Variants in CNMD observed in about 807,000 individuals in gnomAD.
The protein encoded by CNMD is chondromodulin, also known as leukocyte cell-derived chemotaxin 1.
CNMD carries 30 observed loss-of-function variants against 37.5 expected under a neutral mutation model. That is an observed-to-expected ratio of 0.80 (90% CI 0.60 to 1.09). The LOEUF is 1.09. Among genes scored for constraint, CNMD ranks in the 50% least tolerant of loss-of-function variants. CNMD has a pLI of 0.00. For synonymous variants in CNMD, 167 were observed against 148.2 expected (o/e 1.13, Z -0.92); for missense variants, 398 against 423.9 (o/e 0.94, Z 0.54).
Position 52,703,539 on chromosome 13 carries a change from TTTGG to T in CNMD, c.*52_*55del. Reference sequence around the variant, plus strand: ...CAGCATCAACCTGCCTTAATGCTTCTTTGGTTGTCTCTTCAGCTAGTTCTTATTT... The same window carrying T: ...CAGCATCAACCTGCCTTAATGCTTCTTTGTCTCTTCAGCTAGTTCTTATTT... On this transcript the variant is annotated 3_prime_UTR_variant, in exon 7 of 7. Transcript: ENST00000377962. The T allele has an allele frequency of 3.9e-6, 5 of 1,282,796 alleles. No individual in the cohort carries two copies. Among genetic ancestry groups the T allele is most frequent in the Non-Finnish European group, 5.6e-6 (5 of 888,368 alleles). 79.5% of individuals were successfully genotyped at this position (1,282,796 alleles called of 1,614,324 possible). A position where few individuals can be genotyped will look rare whatever the true frequency, so the allele number is the denominator to read the frequency against.
At chr13:52,727,234 A>G (rs531730719) in intron 3 of CNMD, among the ~76,000 whole-genome samples, 2 of 152,296 alleles carry the variant, frequency 1.3e-5, no homozygotes, top group Non-Finnish European at 2.9e-5. Context: ...GCACCACCGC[A>G]CTTCAGCCTG....
chr13:52,708,218 G>T (rs1021017278), intron 6 of CNMD, among the ~76,000 whole-genome samples: 5 of 151,174 alleles, frequency 3.3e-5, no homozygotes, highest in Admixed American at 6.6e-5. Flanking sequence ...GTCTCGCCCT[G>T]TCACCCAGGC....
At chr13:52,706,064 C>T (rs1348646309) in intron 6 of CNMD, among the ~76,000 whole-genome samples, 3 of 152,210 alleles carry the variant, frequency 2.0e-5, no homozygotes, top group East Asian at 3.9e-4. Context: ...ATTTGCAACA[C>T]CTGAAATAGT....
chr13:52,707,183 C>T (rs1009618340), intron 6 of CNMD, among the ~76,000 whole-genome samples: 2 of 152,074 alleles, frequency 1.3e-5, no homozygotes, highest in South Asian at 2.1e-4. Flanking sequence ...TGTGAGCCAC[C>T]GCGCCCAGCC....
chr13:52,738,496 T>C (rs1221446729), intron 2 of CNMD, among the ~76,000 whole-genome samples: 2 of 152,210 alleles, frequency 1.3e-5, no homozygotes, highest in African/African-American at 4.8e-5. Flanking sequence ...GTTTGTTTTT[T>C]GTTTTTGTTT....
intron 6 of CNMD, among the ~76,000 whole-genome samples, chr13:52,705,930 T>G (rs1964167009): frequency 6.6e-6 from 1 of 152,256 alleles, no homozygotes. Flanking sequence ...TTTATTCTTC[T>G]TCAAGCTAAG....
At chr13:52,724,453 T>C (rs1964538912) in intron 3 of CNMD, among the ~76,000 whole-genome samples, 1 of 140,140 alleles carries the variant, frequency 7.1e-6, no homozygotes, top group Admixed American at 7.3e-5. Context: ...TAGCCAGGCG[T>C]GGTGGCGGGC....
At chr13:52,718,413 G>A (rs1208620993) in intron 4 of CNMD, among the ~76,000 whole-genome samples, 1 of 152,076 alleles carries the variant, frequency 6.6e-6, no homozygotes, top group Non-Finnish European at 1.5e-5. Context: ...TGCTTCTCTA[G>A]TTGTTTTAAT....
intron 3 of CNMD, chr13:52,733,018 T>G (rs1964698795): frequency 1.7e-6 from 1 of 594,272 alleles, no homozygotes; most frequent in African/African-American, 1.9e-5. Context: ...AAGTGTTGTT[T>G]TTTTCTTTTG....
At chr13:52,704,077 C>T (rs532993222) in intron 6 of CNMD, among the ~76,000 whole-genome samples, 1 of 152,300 alleles carries the variant, frequency 6.6e-6, no homozygotes, top group East Asian at 1.9e-4. Flanking sequence ...TGAAGTTTCT[C>T]CATGCCTTTA....
intron 3 of CNMD, among the ~76,000 whole-genome samples, chr13:52,725,430 G>GCTT (rs139268730): frequency 2.1e-3 from 319 of 148,674 alleles, no homozygotes; most frequent in African/African-American, 6.0e-3. Context: ...GGACTTAGAT[G>GCTT]TTTTTTTTTT....
chr13:52,727,616 A>G (rs967994638), intron 3 of CNMD, among the ~76,000 whole-genome samples: 1 of 152,228 alleles, frequency 6.6e-6, no homozygotes, highest in African/African-American at 2.4e-5. Context: ...CTATTTGGCC[A>G]TAGAAAAGAA....
chr13:52,737,629 G>A (rs1964793947), intron 2 of CNMD, among the ~76,000 whole-genome samples: 1 of 152,096 alleles, frequency 6.6e-6, no homozygotes, highest in African/African-American at 2.4e-5. Context: ...CCAAAAAAAA[G>A]CATAGCTATT....
chr13:52,724,264 G>A (rs1964533405), intron 3 of CNMD, among the ~76,000 whole-genome samples, 154 bp from the exon 4 acceptor site: 1 of 151,886 alleles, frequency 6.6e-6, no homozygotes, highest in Non-Finnish European at 1.5e-5. Flanking sequence ...TTTTAGCATT[G>A]TTTACCAATA....
intron 6 of CNMD, among the ~76,000 whole-genome samples, chr13:52,707,519 T>C (rs1226501890): frequency 6.6e-6 from 1 of 152,040 alleles, no homozygotes; most frequent in Non-Finnish European, 1.5e-5. Context: ...GAGGGCACAG[T>C]CTCCTGCCTG....
At chr13:52,728,882 C>T (rs1445605561) in intron 3 of CNMD, among the ~76,000 whole-genome samples, 2 of 152,028 alleles carry the variant, frequency 1.3e-5, no homozygotes, top group Non-Finnish European at 2.9e-5. Flanking sequence ...TATTAACTAC[C>T]GTGTCTAGCA....
chr13:52,732,971 A>T, intron 3 of CNMD: 1 of 516,176 alleles, frequency 1.9e-6, no homozygotes, highest in Non-Finnish European at 3.5e-6. Context: ...TGAATTCAGT[A>T]AAGGTGGTTC....
intron 4 of CNMD, among the ~76,000 whole-genome samples, chr13:52,718,372 T>A (rs917055807): frequency 6.6e-6 from 1 of 152,254 alleles, no homozygotes; most frequent in East Asian, 1.9e-4. Flanking sequence ...TTATTTCTTG[T>A]CTTCTGCTAG....
Position 52,739,802 on chromosome 13 carries a change from AC to A in CNMD, c.-102del, listed in dbSNP as rs1282049666. ...GGGCATTTCAACGCCGCGCGCACAC[AC>A]GGTGCACGGTCCCGCCTGGGCCAGC... On this transcript the variant is annotated 5_prime_UTR_variant, in exon 1 of 7. Coordinates refer to ENST00000377962, the MANE Select transcript of CNMD (RefSeq NM_007015.3). The surrounding 1 kb of genome is among the most constrained non-coding windows in gnomAD (Gnocchi z 5.4). The A allele has an allele frequency of 1.0e-6, 1 of 988,698 alleles. No homozygotes were observed. Among genetic ancestry groups the A allele is most frequent in the Non-Finnish European group, 1.6e-6 (1 of 637,214 alleles). The allele number at this position is 988,698 out of a possible 1,614,324, so 61.2% of individuals were successfully genotyped here. A position where few individuals can be genotyped will look rare whatever the true frequency, so the allele number is the denominator to read the frequency against.
Sources: gnomAD v4.1 joint callset for allele counts (sites outside exome capture counted in the v4.1 genomes callset) on GRCh38, gnomAD v4.1.1 for gene constraint, Gnocchi (gnomAD v3.1) non-coding constraint, MANE v1.5 for transcripts, NCBI Gene and HGNC (gene_info 2026-07-23, HGNC 2026-07-21) for gene names.